FGF12: variants seen among roughly 807,000 people sequenced by gnomAD.
The protein encoded by FGF12 is fibroblast growth factor 12, also known as fibroblast growth factor 12B.
A neutral mutation model predicts 23.6 loss-of-function variants in FGF12; 14 were observed. The ratio of observed to expected loss-of-function variants is 0.59; its 90% CI spans 0.39 to 0.93. The LOEUF (loss-of-function observed/expected upper bound fraction) is 0.93, where lower values mean the gene tolerates loss of function less well. Ranked by LOEUF, FGF12 falls within the 40% of genes least tolerant of loss-of-function variation. The pLI is 0.00. For synonymous variants in FGF12, 62 were observed against 77.3 expected (o/e 0.80, Z 1.04); for missense variants, 175 against 217.8 (o/e 0.80, Z 1.24).
chr3:192,687,602 A>G (rs182128419), intron 2 of FGF12, among the ~76,000 whole-genome samples: 44 of 152,220 alleles, frequency 2.9e-4, no homozygotes, highest in Admixed American at 1.7e-3. Context: ...CATCACCACC[A>G]TGTCCACACC....
chr3:192,229,211 G>A (rs1718895526), intron 4 of FGF12, among the ~76,000 whole-genome samples: 1 of 151,662 alleles, frequency 6.6e-6, no homozygotes, highest in Non-Finnish European at 1.5e-5. Context: ...CACACAGAAG[G>A]AATAGATGAA....
In FGF12 at chr3:192,414,995, CCTT is replaced by C. The variant is rs373523379; in HGVS notation, c.14-54460_14-54458del. Among the ~76,000 whole-genome samples, 655 of 152,188 alleles carry C rather than the reference CCTT, an allele frequency of 4.3e-3. 6 individuals are homozygous for C. Among genetic ancestry groups the C allele is most frequent in the African/African-American group, 0.015 (632 of 41,540 alleles). ...TAGGAGGGTGGTCTTGAAACACTCT[CCTT>C]CTTAGTTTAGTAATTCAAGTCGAGC... On this transcript the variant is annotated intron_variant, in intron 2 of 5. Transcript: ENST00000445105.
At chr3:192,616,762 C>T (rs1178409495) in intron 2 of FGF12, among the ~76,000 whole-genome samples, 1 of 151,712 alleles carries the variant, frequency 6.6e-6, no homozygotes, top group Admixed American at 6.6e-5. Context: ...TGAGAATGTC[C>T]TGTGTTGTTA....
chr3:192,262,934 A>T (rs144416318), intron 4 of FGF12, among the ~76,000 whole-genome samples: 56 of 152,212 alleles, frequency 3.7e-4, no homozygotes, highest in African/African-American at 1.3e-3. Context: ...TCAGATTTCA[A>T]TAATTTCTAA....
In FGF12 at chr3:192,378,048, T is replaced by TTC. The variant is rs1197623631; in HGVS notation, c.14-17512_14-17511dup. Among the ~76,000 whole-genome samples the TTC allele has an allele frequency of 4.9e-5, 5 of 101,258 alleles. 1 individual carries two copies. Among genetic ancestry groups the TTC allele is most frequent in the African/African-American group, 3.0e-4 (5 of 16,622 alleles). The allele number at this position is 101,258 out of a possible 152,430, so 66.4% of individuals were successfully genotyped here. On this transcript the variant is annotated intron_variant, in intron 2 of 5. Transcript: ENST00000445105. ...TTCTTTTCTTTCTTTCTTTCTTTCT[T>TTC]TCTTTCTTTCTTTCTTTCTTTCTTT...
At chr3:192,392,605 A>T (rs1720350802) in intron 2 of FGF12, among the ~76,000 whole-genome samples, 2 of 106,294 alleles carry the variant, frequency 1.9e-5, no homozygotes, top group African/African-American at 7.3e-5. Context: ...AGAGAGAGAG[A>T]GAGAGAGAGA....
intron 2 of FGF12, among the ~76,000 whole-genome samples, chr3:192,487,664 AAT>A (rs1723675924): frequency 6.6e-6 from 1 of 152,066 alleles, no homozygotes. Context: ...CTTTGTTTAT[AAT>A]ATGTTTATAA....
chr3:192,480,737 C>T (rs1333126253), intron 2 of FGF12, among the ~76,000 whole-genome samples: 1 of 152,114 alleles, frequency 6.6e-6, no homozygotes, highest in Admixed American at 6.6e-5. Context: ...TGGAACACAG[C>T]AAAAGTCATT....
intron 2 of FGF12, among the ~76,000 whole-genome samples, chr3:192,595,018 T>A (rs1371590424): frequency 6.6e-6 from 1 of 152,196 alleles, no homozygotes; most frequent in South Asian, 2.1e-4. Flanking sequence ...ATTGAGTGAT[T>A]GTAAATTATT....
chr3:192,597,183 A>G (rs1713892218), intron 2 of FGF12, among the ~76,000 whole-genome samples: 1 of 152,210 alleles, frequency 6.6e-6, no homozygotes, highest in Non-Finnish European at 1.5e-5. Flanking sequence ...ACTTATTGGA[A>G]GGGCAAAAGG....
At chr3:192,182,148 T>G (rs1056742404) in intron 4 of FGF12, among the ~76,000 whole-genome samples, 1 of 152,184 alleles carries the variant, frequency 6.6e-6, no homozygotes, top group African/African-American at 2.4e-5. Flanking sequence ...GTGTGTATTA[T>G]GTATGATTGG....
At chr3:192,303,221 G>T (rs1039947315) in intron 4 of FGF12, among the ~76,000 whole-genome samples, 2 of 152,086 alleles carry the variant, frequency 1.3e-5, no homozygotes, top group African/African-American at 4.8e-5. Flanking sequence ...ACAAATTTAA[G>T]TATGGAAAAA....
chr3:192,670,787 T>C (rs1027443764), intron 2 of FGF12, among the ~76,000 whole-genome samples: 4 of 152,202 alleles, frequency 2.6e-5, no homozygotes, highest in African/African-American at 9.7e-5. Context: ...TTTGTTATCA[T>C]AGACATATAT....
intron 2 of FGF12, among the ~76,000 whole-genome samples, chr3:192,418,572 C>A (rs554637009): frequency 6.6e-6 from 1 of 152,078 alleles, no homozygotes; most frequent in Non-Finnish European, 1.5e-5. Flanking sequence ...TGTGTCCGTG[C>A]CCAAATCTCA....
chr3:192,472,951 C>G (rs1723213984), intron 2 of FGF12, among the ~76,000 whole-genome samples: 2 of 152,182 alleles, frequency 1.3e-5, no homozygotes. Context: ...ATCACCTGTT[C>G]TGAGAAGTCT....
chr3:192,286,165 G>C (rs1272836011), intron 4 of FGF12, among the ~76,000 whole-genome samples: 1 of 151,940 alleles, frequency 6.6e-6, no homozygotes, highest in Non-Finnish European at 1.5e-5. Context: ...AGGAGTAAAA[G>C]GATCAATCCT....
chr3:192,656,040 CA>C (rs11292484), intron 2 of FGF12, among the ~76,000 whole-genome samples: 12,891 of 106,536 alleles, frequency 0.12, 824 homozygotes, highest in African/African-American at 0.25. Flanking sequence ...GAGGTTCAGG[CA>C]AAAAAAAAAA....
chr3:192,210,650 T>G (rs755284181), intron 4 of FGF12, among the ~76,000 whole-genome samples: 1 of 152,204 alleles, frequency 6.6e-6, no homozygotes, highest in African/African-American at 2.4e-5. Context: ...GTATTTGTCA[T>G]AGAATTAAAT....
intron 2 of FGF12, among the ~76,000 whole-genome samples, chr3:192,544,350 C>T (rs924162910): frequency 3.3e-5 from 5 of 152,116 alleles, no homozygotes; most frequent in Admixed American, 2.0e-4. Flanking sequence ...ACTGTGATTG[C>T]TCATCTGATT....
Sources: gnomAD v4.1 joint callset for allele counts (sites outside exome capture counted in the v4.1 genomes callset) on GRCh38, gnomAD v4.1.1 for gene constraint, MANE v1.5 for transcripts, NCBI Gene and HGNC (gene_info 2026-07-23, HGNC 2026-07-21) for gene names.